HDAC9: variants seen among roughly 807,000 people sequenced by gnomAD.
The protein encoded by HDAC9 is MEF-2 interacting transcription repressor (MITR) protein.
HDAC9 carries 41 observed loss-of-function variants against 139.4 expected under a neutral mutation model. The observed-to-expected ratio is 0.29, with a 90% CI of 0.23 to 0.38. HDAC9 has a LOEUF of 0.38. Ranked by LOEUF, HDAC9 falls within the 10% of genes least tolerant of loss-of-function variation. The probability of loss-of-function intolerance (pLI) is 1.00; values close to 1 mark genes in which losing one functional copy is unlikely to be tolerated. For synonymous variants in HDAC9, 517 were observed against 476.2 expected (o/e 1.09, Z -1.12); for missense variants, 1,147 against 1,297.0 (o/e 0.88, Z 1.78).
chr7:18,572,612 C>G (rs1311412803), intron 2 of HDAC9, among the ~76,000 whole-genome samples: 2 of 151,966 alleles, frequency 1.3e-5, no homozygotes, highest in African/African-American at 4.8e-5. Context: ...ATATTATTAC[C>G]TATATTTTCT....
chr7:18,814,865 C>T (rs986920992), intron 17 of HDAC9, among the ~76,000 whole-genome samples: 21 of 152,194 alleles, frequency 1.4e-4, no homozygotes, highest in Middle Eastern at 3.4e-3. Flanking sequence ...AGAACCTAGA[C>T]ATTTTGATAA....
At chr7:18,225,310 A>T (rs1792980506) in intron 2 of HDAC9, among the ~76,000 whole-genome samples, 1 of 152,186 alleles carries the variant, frequency 6.6e-6, no homozygotes, top group Non-Finnish European at 1.5e-5. Context: ...ACCTCTTTTT[A>T]TGAATCTAAA....
chr7:18,505,096 G>A (rs754861576), intron 2 of HDAC9, among the ~76,000 whole-genome samples: 1 of 152,160 alleles, frequency 6.6e-6, no homozygotes. Flanking sequence ...ACTATCCAGG[G>A]CTGAGAGGAG....
chr7:18,588,389 G>A (rs1160362463), intron 3 of HDAC9, among the ~76,000 whole-genome samples: 2 of 151,948 alleles, frequency 1.3e-5, no homozygotes, highest in Non-Finnish European at 2.9e-5. Context: ...CTGGATTTTG[G>A]AATATTTACA....
At chr7:18,338,735 T>G (rs1260835292) in intron 1 of HDAC9, among the ~76,000 whole-genome samples, 3 of 151,532 alleles carry the variant, frequency 2.0e-5, no homozygotes, top group Non-Finnish European at 4.4e-5. Context: ...TCTTGTAATG[T>G]GTCCCTCAGA....
At chr7:18,637,643 G>A (rs1450112582) in intron 8 of HDAC9, among the ~76,000 whole-genome samples, 1 of 152,058 alleles carries the variant, frequency 6.6e-6, no homozygotes, top group East Asian at 1.9e-4. Context: ...AGCAAGCAGT[G>A]ACTTACCTCA....
intron 21 of HDAC9, among the ~76,000 whole-genome samples, chr7:18,842,204 A>G (rs747899734): frequency 6.6e-6 from 1 of 152,116 alleles, no homozygotes; most frequent in Non-Finnish European, 1.5e-5. Flanking sequence ...TATTAAGCTC[A>G]TGATATCATG....
intron 21 of HDAC9, among the ~76,000 whole-genome samples, chr7:18,847,771 G>C (rs1403712884): frequency 1.3e-5 from 2 of 152,126 alleles, no homozygotes; most frequent in African/African-American, 4.8e-5. Context: ...GGTCCAACTG[G>C]TAAAATGGAT....
chr7:18,564,931 A>G (rs1174712079), intron 2 of HDAC9, among the ~76,000 whole-genome samples: 1 of 151,612 alleles, frequency 6.6e-6, no homozygotes. Flanking sequence ...CATATTTCAA[A>G]TGCCTAAGCC....
intron 1 of HDAC9, among the ~76,000 whole-genome samples, chr7:18,305,457 A>G (rs1198871768): frequency 6.6e-6 from 1 of 152,212 alleles, no homozygotes; most frequent in African/African-American, 2.4e-5. Context: ...ATGTTCTGGA[A>G]TAGTTTGCTT....
chr7:18,099,481 A>G (rs1782713209), intron 1 of HDAC9, among the ~76,000 whole-genome samples: 1 of 34,592 alleles, frequency 2.9e-5, no homozygotes, highest in Admixed American at 3.8e-4. Context: ...AAAATAAAGA[A>G]AAAAAAAATA....
At chr7:18,274,385 G>A (rs1409216772) in intron 2 of HDAC9, among the ~76,000 whole-genome samples, 2 of 152,164 alleles carry the variant, frequency 1.3e-5, no homozygotes, top group Non-Finnish European at 2.9e-5. Context: ...GAATGCAAGA[G>A]AGCAAATCAG....
At chr7:18,987,405 C>G (rs1785454599) in intron 25 of HDAC9, among the ~76,000 whole-genome samples, 2 of 152,318 alleles carry the variant, frequency 1.3e-5, no homozygotes, top group Non-Finnish European at 2.9e-5. Flanking sequence ...CCTTGCATCC[C>G]AGGAATGAAG....
At chr7:18,512,271 T>C (rs1337417447) in intron 2 of HDAC9, among the ~76,000 whole-genome samples, 1 of 152,104 alleles carries the variant, frequency 6.6e-6, no homozygotes, top group Non-Finnish European at 1.5e-5. Flanking sequence ...ATAAGATGTA[T>C]TAGAAATTAA....
chr7:18,698,415 G>A (rs1254205390), intron 12 of HDAC9, among the ~76,000 whole-genome samples: 1 of 152,186 alleles, frequency 6.6e-6, no homozygotes, highest in African/African-American at 2.4e-5. Context: ...AATAAGTTAT[G>A]CTTAACTCAA....
At chr7:18,133,210 A>G (rs973579716) in intron 1 of HDAC9, among the ~76,000 whole-genome samples, 2 of 152,224 alleles carry the variant, frequency 1.3e-5, no homozygotes, top group Non-Finnish European at 2.9e-5. Flanking sequence ...AATAGAACAA[A>G]TTCCACAAAA....
chr7:18,150,539 G>T (rs1786700721), intron 1 of HDAC9, among the ~76,000 whole-genome samples: 1 of 152,112 alleles, frequency 6.6e-6, no homozygotes, highest in African/African-American at 2.4e-5. Flanking sequence ...CATCAATTTT[G>T]CTGAGAATCT....
At chr7:18,241,484 T>C (rs1303816626) in intron 2 of HDAC9, among the ~76,000 whole-genome samples, 3 of 152,222 alleles carry the variant, frequency 2.0e-5, no homozygotes, top group Non-Finnish European at 4.4e-5. Context: ...TGAAGTAATC[T>C]GTGATCTCCT....
In HDAC9 at chr7:18,251,523, A is replaced by G. The variant is rs534456176; in HGVS notation, c.25+89174A>G. On this transcript the variant is annotated intron_variant, in intron 2 of 12. Coordinates refer to the HDAC9 transcript ENST00000417496. ...ATGTACCCCTGAACTTAATATAAAT[A>G]TTGAAGGAAAAAAATACAAAAAAAA... Among the ~76,000 whole-genome samples, 26 of 152,306 alleles carry G rather than the reference A, an allele frequency of 1.7e-4. 1 individual carries two copies. In the South Asian group the frequency reaches 4.4e-3, roughly 26 times the overall value.
Sources: gnomAD v4.1 joint callset for allele counts (sites outside exome capture counted in the v4.1 genomes callset) on GRCh38, gnomAD v4.1.1 for gene constraint, MANE v1.5 for transcripts, NCBI Gene and HGNC (gene_info 2026-07-23, HGNC 2026-07-21) for gene names.